The following LRRTM4 variants were observed in gnomAD, a reference collection of about 807,000 sequenced individuals.
The protein encoded by LRRTM4 is leucine-rich repeat transmembrane neuronal protein 4.
Under a neutral mutation model 47.6 loss-of-function variants are expected in LRRTM4, and 25 were observed. The observed-to-expected ratio is 0.53, with a 90% confidence interval of 0.38 to 0.73. LRRTM4 has a LOEUF of 0.73. LRRTM4 is among the 30% of genes least tolerant of loss of function. The pLI is 0.00. For missense variants in LRRTM4, 638 were observed against 713.4 expected, an observed-to-expected ratio of 0.89 and a Z score of 1.20; for synonymous variants, 311 against 269.5, an observed-to-expected ratio of 1.15 and a Z score of -1.51.
At chr2:76,871,943 C>T (rs1195536980) in intron 3 of LRRTM4, among the ~76,000 whole-genome samples, 3 of 152,170 alleles carry the variant, frequency 2.0e-5, no homozygotes, top group Non-Finnish European at 4.4e-5. Flanking sequence ...GATTCTTTCA[C>T]AGCCAGATCT....
intron 3 of LRRTM4, among the ~76,000 whole-genome samples, chr2:76,944,084 C>G (rs893745546): frequency 6.6e-6 from 1 of 152,126 alleles, no homozygotes; most frequent in African/African-American, 2.4e-5. Flanking sequence ...ATTAATGTGA[C>G]CTGTGATGTC....
At chr2:77,253,126 C>T (rs1326877548) in intron 3 of LRRTM4, among the ~76,000 whole-genome samples, 4 of 152,128 alleles carry the variant, frequency 2.6e-5, no homozygotes, top group African/African-American at 9.7e-5. Context: ...GCATTATTTA[C>T]TTGTCCTAAT....
chr2:77,396,406 G>A (rs549633155), intron 3 of LRRTM4, among the ~76,000 whole-genome samples: 1 of 151,964 alleles, frequency 6.6e-6, no homozygotes, highest in East Asian at 1.9e-4. Flanking sequence ...GGTTTTTACA[G>A]GTAGGAAGTG....
intron 3 of LRRTM4, among the ~76,000 whole-genome samples, chr2:77,199,718 T>C (rs934055139): frequency 2.6e-5 from 4 of 152,132 alleles, no homozygotes; most frequent in African/African-American, 9.7e-5. Context: ...TATGCTGTCA[T>C]GTTAGTACAC....
chr2:76,904,112 A>G (rs74927325), intron 3 of LRRTM4, among the ~76,000 whole-genome samples: 1,580 of 152,314 alleles, frequency 0.01, 31 homozygotes, highest in African/African-American at 0.036. Flanking sequence ...GGAGGAGAGA[A>G]GTTACTTCTC....
At chr2:76,764,741 T>A (rs60161954) in intron 3 of LRRTM4, among the ~76,000 whole-genome samples, 32,841 of 152,186 alleles carry the variant, frequency 0.22, 4,158 homozygotes, top group African/African-American at 0.35. Context: ...CTGAACTTCT[T>A]GGATCCCACC....
intron 3 of LRRTM4, among the ~76,000 whole-genome samples, chr2:77,090,707 C>T (rs1558574846): frequency 6.6e-6 from 1 of 152,288 alleles, no homozygotes; most frequent in Middle Eastern, 3.4e-3. Context: ...CAGGATTCCT[C>T]CTAAGTCATG....
chr2:76,909,943 C>T (rs1673989734), intron 3 of LRRTM4, among the ~76,000 whole-genome samples: 1 of 152,164 alleles, frequency 6.6e-6, no homozygotes, highest in African/African-American at 2.4e-5. Context: ...TGTGGTGATT[C>T]CTCAGGGATC....
chr2:76,990,499 C>G (rs2103990790), intron 3 of LRRTM4, among the ~76,000 whole-genome samples: 1 of 151,710 alleles, frequency 6.6e-6, no homozygotes, highest in South Asian at 2.1e-4. Context: ...GGGGTCACTA[C>G]CTTCTATCAG....
chr2:76,787,349 C>A (rs1362471349), intron 3 of LRRTM4, among the ~76,000 whole-genome samples: 2 of 152,032 alleles, frequency 1.3e-5, no homozygotes, highest in East Asian at 1.9e-4. Context: ...TAATTATTTT[C>A]ATCTCTTTTC....
At chr2:76,920,650 G>GAGGTGTTT (rs1166643062) in intron 3 of LRRTM4, among the ~76,000 whole-genome samples, 5 of 151,544 alleles carry the variant, frequency 3.3e-5, no homozygotes, top group Non-Finnish European at 7.4e-5. Context: ...TGTTGGTTTA[G>GAGGTGTTT]AGGTGTTTTC....
At chr2:76,787,449 G>GGCAA (rs1262389340) in intron 3 of LRRTM4, among the ~76,000 whole-genome samples, 2 of 151,950 alleles carry the variant, frequency 1.3e-5, no homozygotes, top group Non-Finnish European at 2.9e-5. Flanking sequence ...ATTATCAGAT[G>GGCAA]GTAAGCCCAT....
chr2:77,521,779 C>T lies in LRRTM4; in HGVS notation c.-108G>A. 1 of 1,196,482 alleles carries T rather than the reference C, an allele frequency of 8.4e-7. No individual in the cohort carries two copies. Among genetic ancestry groups the T allele is most frequent in the Non-Finnish European group, 1.2e-6 (1 of 819,022 alleles). The allele number at this position is 1,196,482 out of a possible 1,614,324, so 74.1% of individuals were successfully genotyped here. A position where few individuals can be genotyped will look rare whatever the true frequency, so the allele number is the denominator to read the frequency against. On this transcript the variant is annotated 5_prime_UTR_variant, in exon 2 of 4. It adds an upstream start codon to the 5' untranslated region. Transcript: ENST00000409884. ...TGACACAGTGCGGCTGTCATTCACA[C>T]CATTCTGATCCCGCATGTGAGCTAG...
intron 3 of LRRTM4, among the ~76,000 whole-genome samples, chr2:76,953,598 T>A (rs144685961): frequency 8.9e-4 from 135 of 151,912 alleles, no homozygotes; most frequent in African/African-American, 3.2e-3. Flanking sequence ...TTAACTGGTA[T>A]ACCTTGAATG....
At chr2:77,033,162 A>G (rs576881820) in intron 3 of LRRTM4, among the ~76,000 whole-genome samples, 6 of 152,052 alleles carry the variant, frequency 3.9e-5, no homozygotes, top group South Asian at 2.1e-4. Flanking sequence ...AGAGAGAACA[A>G]TAATTCCAAG....
At chr2:77,065,905 C>T (rs1305840362) in intron 3 of LRRTM4, among the ~76,000 whole-genome samples, 17 of 152,086 alleles carry the variant, frequency 1.1e-4, no homozygotes, top group Admixed American at 1.1e-3. Flanking sequence ...TGAGATCATA[C>T]ATGTGCAATA....
At chr2:77,028,030 T>G (rs1257894218) in intron 3 of LRRTM4, among the ~76,000 whole-genome samples, 1 of 151,990 alleles carries the variant, frequency 6.6e-6, no homozygotes, top group Non-Finnish European at 1.5e-5. Context: ...GAAAAACTCA[T>G]GATTTTTCAC....
chr2:77,014,081 T>C (rs1677968733), intron 3 of LRRTM4, among the ~76,000 whole-genome samples: 1 of 152,182 alleles, frequency 6.6e-6, no homozygotes, highest in Non-Finnish European at 1.5e-5. Flanking sequence ...ATTAATATGA[T>C]CAAATCTGCA....
At chr2:76,796,266 GAT>G (rs1675319447) in intron 3 of LRRTM4, among the ~76,000 whole-genome samples, 1 of 73,716 alleles carries the variant, frequency 1.4e-5, no homozygotes, top group African/African-American at 8.6e-5. Context: ...GAACAGGCTT[GAT>G]TAGGTAAACA....
Sources: gnomAD v4.1 joint callset for allele counts (sites outside exome capture counted in the v4.1 genomes callset) on GRCh38, gnomAD v4.1.1 for gene constraint, MANE v1.5 for transcripts, NCBI Gene and HGNC (gene_info 2026-07-23, HGNC 2026-07-21) for gene names.